The following EGF variants were observed in gnomAD, a reference collection of about 807,000 sequenced individuals.
EGF encodes the protein pro-epidermal growth factor.
In EGF, 95 loss-of-function variants were observed where a neutral mutation model predicts 143.8. The ratio of observed to expected loss-of-function variants is 0.66; its 90% confidence interval spans 0.56 to 0.78. EGF has a LOEUF of 0.78. Among genes scored for constraint, EGF ranks in the 30% least tolerant of loss-of-function variants. EGF has a pLI of 0.00. For synonymous variants in EGF, 510 were observed against 510.5 expected (o/e 1.00, Z 0.01); for missense variants, 1,320 against 1,470.9 (o/e 0.90, Z 1.68).
At chr4:109,965,950 G>T (rs546884766) in intron 10 of EGF, among the ~76,000 whole-genome samples, 2 of 151,772 alleles carry the variant, frequency 1.3e-5, no homozygotes, top group Non-Finnish European at 2.9e-5. Context: ...TCTCATTATT[G>T]ATTGTAAGTT....
chr4:109,964,614 G>T, intron 10 of EGF, 77 bp downstream of exon 10: 1 of 1,592,844 alleles, frequency 6.3e-7, no homozygotes, highest in Non-Finnish European at 8.6e-7. Flanking sequence ...CAAATGACCT[G>T]GCCTACTTGA....
intron 16 of EGF, among the ~76,000 whole-genome samples, chr4:109,986,341 G>A (rs1328218231): frequency 6.6e-6 from 1 of 152,146 alleles, no homozygotes; most frequent in Non-Finnish European, 1.5e-5. Flanking sequence ...CTTGTGATTT[G>A]GGAGCTAGTC....
chr4:109,941,582 A>T (rs1741937717), intron 2 of EGF, among the ~76,000 whole-genome samples: 1 of 152,136 alleles, frequency 6.6e-6, no homozygotes, highest in Non-Finnish European at 1.5e-5. Flanking sequence ...ACAGGCATCT[A>T]GTGGGTAGAG....
rs11568863 is a variant in EGF, at chr4:109,929,258, G to A, written c.128-11688G>A. On this transcript the variant is annotated intron_variant, in intron 1 of 23. Transcript: ENST00000265171. ...AGGCATAGCTTTGTACCCCTACCCC[G>A]CTATTTATTGGCCTTGTGACTTGTG... Among the ~76,000 whole-genome samples the A allele has an allele frequency of 1.6e-3, 245 of 152,194 alleles. 1 individual carries two copies. Among genetic ancestry groups the A allele is most frequent in the African/African-American group, 5.5e-3 (229 of 41,530 alleles).
intron 22 of EGF, among the ~76,000 whole-genome samples, chr4:110,005,036 CT>C (rs538062029): frequency 5.1e-3 from 409 of 80,736 alleles, no homozygotes; most frequent in Middle Eastern, 9.8e-3. Context: ...TTTTCTCTGT[CT>C]TTTTTTTTTT....
intron 1 of EGF, among the ~76,000 whole-genome samples, chr4:109,936,487 A>G (rs1011666136): frequency 4.6e-5 from 7 of 152,180 alleles, no homozygotes; most frequent in African/African-American, 1.7e-4. Context: ...TCTTTTCAAA[A>G]AAACGAGTTC....
At chr4:109,984,119 C>T (rs1749782119) in intron 16 of EGF, among the ~76,000 whole-genome samples, 1 of 152,184 alleles carries the variant, frequency 6.6e-6, no homozygotes, top group African/African-American at 2.4e-5. Context: ...GGGTTCAGCT[C>T]AGCCCTAGAG....
chr4:109,975,916 A>C, intron 12 of EGF, 96 bp from the exon 13 acceptor site: 2 of 1,320,140 alleles, frequency 1.5e-6, no homozygotes, highest in Non-Finnish European at 2.2e-6. Context: ...ACTTTAGTAT[A>C]TCATGAGGTA....
At chr4:109,952,471 A>G (rs1457143936) in intron 5 of EGF, among the ~76,000 whole-genome samples, 2 of 152,226 alleles carry the variant, frequency 1.3e-5, no homozygotes. Context: ...AGCAATTAGT[A>G]TAGCTAAAAT....
At chr4:109,979,280 G>A (rs573830374) in intron 13 of EGF, among the ~76,000 whole-genome samples, 4 of 152,192 alleles carry the variant, frequency 2.6e-5, no homozygotes, top group African/African-American at 9.6e-5. Context: ...AATGAAGATG[G>A]GAGAGAGGTT....
At chr4:109,990,365 A>G (rs548553134) in intron 18 of EGF, among the ~76,000 whole-genome samples, 2 of 152,142 alleles carry the variant, frequency 1.3e-5, no homozygotes, top group Non-Finnish European at 2.9e-5. Flanking sequence ...GAACTGGGAG[A>G]AATATTTGTT....
chr4:109,961,100 T>G (rs1348795559), intron 7 of EGF, 111 bp downstream of exon 7: 2 of 1,262,650 alleles, frequency 1.6e-6, no homozygotes, highest in Admixed American at 1.9e-5. Context: ...TGCATCATAA[T>G]TACCTTTGAG....
In EGF at chr4:110,013,504, C is replaced by A. The variant is rs1027668390; in HGVS notation, c.*2049C>A. 1.3e-5 allele frequency among the ~76,000 whole-genome samples: 2 copies of A among 152,108 alleles called. No homozygotes were observed. Among genetic ancestry groups the A allele is most frequent in the African/African-American group, 4.8e-5 (2 of 41,448 alleles). On this transcript the variant is annotated 3_prime_UTR_variant, in exon 24 of 24. Transcript: ENST00000265171. ...GTTTTTTAATCACCAAGGCACCCTG[C>A]AGAGATATCTTCTTCTTGCAACTTC...
chr4:109,945,421 A>T (rs925328502), intron 5 of EGF, 146 bp downstream of exon 5: 4 of 733,258 alleles, frequency 5.5e-6, no homozygotes, highest in African/African-American at 5.3e-5. Context: ...CCCCTGTAAG[A>T]AAAGACAGAT....
intron 23 of EGF, 75 bp from the exon 24 acceptor site, chr4:110,011,127 C>T (rs1454306118): frequency 1.9e-6 from 3 of 1,558,184 alleles, no homozygotes; most frequent in Non-Finnish European, 2.6e-6. Flanking sequence ...TCTTCAACCA[C>T]TACCGTTTAG....
intron 1 of EGF, among the ~76,000 whole-genome samples, chr4:109,933,684 G>C (rs1235312833): frequency 6.6e-6 from 1 of 152,026 alleles, no homozygotes; most frequent in African/African-American, 2.4e-5. Context: ...TTGGTTTTCT[G>C]TCCTTATGAT....
intron 1 of EGF, among the ~76,000 whole-genome samples, chr4:109,929,722 A>G (rs1739348858): frequency 6.6e-6 from 1 of 150,638 alleles, no homozygotes; most frequent in Non-Finnish European, 1.5e-5. Context: ...GCATTTTTTT[A>G]ATGGAATTAA....
chr4:110,005,036 CTTTTTTTT>C (rs538062029), intron 22 of EGF, among the ~76,000 whole-genome samples: 398 of 80,738 alleles, frequency 4.9e-3, no homozygotes, highest in African/African-American at 0.016. Flanking sequence ...TTTTCTCTGT[CTTTTTTTT>C]TTTTTTTTTT....
rs570069740 is a variant in EGF at position 110,002,596 on chromosome 4, C to T, written c.3174-1909C>T. ...AAACATGTGATTTCTTGGAAGGACT[C>T]CCTTGTAAGAAAATCAACAGGAAGT... On this transcript the variant is annotated intron_variant, in intron 21 of 23. Transcript: ENST00000265171. Among the ~76,000 whole-genome samples the T allele has an allele frequency of 7.3e-5, 11 of 151,320 alleles. No homozygotes were observed. The East Asian group carries it at 2.1e-3, about 29-fold the overall frequency.
Sources: allele counts gnomAD v4.1 joint callset (sites outside exome capture counted in the v4.1 genomes callset), GRCh38; gene constraint gnomAD v4.1.1; transcripts MANE v1.5; gene names NCBI Gene and HGNC (gene_info 2026-07-23, HGNC 2026-07-21).